Variants in HEATR5B observed in about 807,000 individuals in gnomAD.
HEATR5B encodes HEAT repeat-containing protein 5B.
HEATR5B carries 156 observed loss-of-function variants against 224.1 expected under a neutral mutation model. The observed-to-expected ratio is 0.70, with a 90% CI of 0.61 to 0.80. The LOEUF is 0.80. HEATR5B is among the 30% of genes least tolerant of loss of function. The pLI is 0.00. For missense variants in HEATR5B, 2,323 were observed against 2,535.5 expected (o/e 0.92, Z 1.80); for synonymous variants, 1,027 against 893.0 (o/e 1.15, Z -2.68).
chr2:37,052,352 A>C (rs1397615049), intron 17 of HEATR5B, among the ~76,000 whole-genome samples: 8 of 152,136 alleles, frequency 5.3e-5, no homozygotes, highest in Admixed American at 4.6e-4. Context: ...GATTGCTGTC[A>C]ATGGGAACTT....
chr2:37,023,812 A>T (rs564834738), intron 24 of HEATR5B, among the ~76,000 whole-genome samples: 10 of 152,164 alleles, frequency 6.6e-5, no homozygotes, highest in Admixed American at 1.3e-4. Flanking sequence ...AAATAAAAAG[A>T]ATATCAGTTG....
chr2:37,055,401 T>C (rs1411281211), intron 16 of HEATR5B, among the ~76,000 whole-genome samples: 3 of 152,314 alleles, frequency 2.0e-5, no homozygotes, highest in African/African-American at 7.2e-5. Context: ...CATAACTAGT[T>C]GTATAACCTT....
rs1218969248 is a variant in HEATR5B at position 37,029,071 on chromosome 2, A to G, written c.3362-151T>C. 5 of 675,974 alleles carry G rather than the reference A, an allele frequency of 7.4e-6. No individual in the cohort carries two copies. The African/African-American group carries it at 9.1e-5, about 12-fold the overall frequency. The allele number at this position is 675,974 out of a possible 1,614,324, so 41.9% of individuals were successfully genotyped here. ...AATTTAACTATGGCCTCTAGTTTAC[A>G]TATCTTTGGGATTATAATTTAATCT... is the stretch of plus-strand genomic sequence containing the variant. On this transcript the variant is annotated intron_variant, in intron 22 of 35. Transcript: ENST00000233099.
intron 33 of HEATR5B, among the ~76,000 whole-genome samples, chr2:36,992,662 T>C (rs1384402882): frequency 2.1e-4 from 32 of 152,224 alleles, no homozygotes; most frequent in Non-Finnish European, 1.5e-5. Context: ...ACATAGAATA[T>C]AATCTCTTAC....
intron 25 of HEATR5B, among the ~76,000 whole-genome samples, chr2:37,020,219 A>C (rs1668383566): frequency 6.6e-6 from 1 of 152,130 alleles, no homozygotes. Flanking sequence ...TAATACCTTT[A>C]ACTGTTGTTA....
intron 33 of HEATR5B, among the ~76,000 whole-genome samples, chr2:37,000,017 A>G: frequency 6.6e-6 from 1 of 151,950 alleles, no homozygotes; most frequent in South Asian, 2.1e-4. Context: ...GTCTCAAAAA[A>G]ACAAAACAAA....
intron 15 of HEATR5B, 113 bp from the exon 16 acceptor site, chr2:37,056,728 G>T: frequency 3.6e-6 from 3 of 834,738 alleles, no homozygotes; most frequent in South Asian, 5.0e-5. Context: ...AACAAAAAAA[G>T]AATGATTGGA....
intron 35 of HEATR5B, among the ~76,000 whole-genome samples, chr2:36,983,288 G>A (rs1355440501): frequency 6.6e-6 from 1 of 151,886 alleles, no homozygotes; most frequent in Non-Finnish European, 1.5e-5. Flanking sequence ...CTAGCACTTT[G>A]GGAGGCCAAG....
chr2:37,026,299 G>T (rs1668768922), intron 24 of HEATR5B, among the ~76,000 whole-genome samples: 1 of 152,154 alleles, frequency 6.6e-6, no homozygotes, highest in South Asian at 2.1e-4. Context: ...CTGATGCCTT[G>T]ATGTTAGCCC....
chr2:37,056,927 A>T (rs1453294913), intron 15 of HEATR5B, among the ~76,000 whole-genome samples: 1 of 152,252 alleles, frequency 6.6e-6, no homozygotes, highest in African/African-American at 2.4e-5. Context: ...ATCACTCTTT[A>T]AAAAGTACAT....
intron 35 of HEATR5B, among the ~76,000 whole-genome samples, chr2:36,984,315 A>G (rs1665806769): frequency 6.7e-6 from 1 of 150,138 alleles, no homozygotes; most frequent in Admixed American, 6.7e-5. Context: ...GAAATGTTAC[A>G]TAATTTGTTT....
chr2:37,040,303 T>C, intron 20 of HEATR5B, 26 bp downstream of exon 20: 1 of 1,552,170 alleles, frequency 6.4e-7, no homozygotes, highest in Non-Finnish European at 8.8e-7. Flanking sequence ...CTAACTAGGT[T>C]CCTTAATTTC....
Position 36,990,896 on chromosome 2 carries a change from T to G in HEATR5B, c.5546-97A>C. The G allele has an allele frequency of 2.8e-6, 3 of 1,056,894 alleles. No homozygotes were observed. The South Asian group carries it at 5.6e-5, about 20-fold the overall frequency. 65.5% of individuals were successfully genotyped at this position (1,056,894 alleles called of 1,614,324 possible). On this transcript the variant is annotated intron_variant, in intron 33 of 35. Coordinates refer to ENST00000233099, the MANE Select transcript of HEATR5B (RefSeq NM_019024.3). ...AGAGAGACGTTGTCTTGCCATGTTG[T>G]CCAGGCTGGTCTTGAACTCCTGAGC...
intron 9 of HEATR5B, among the ~76,000 whole-genome samples, chr2:37,065,414 A>C (rs530360927): frequency 1.3e-5 from 2 of 151,990 alleles, no homozygotes; most frequent in South Asian, 2.1e-4. Flanking sequence ...CCTGGGCTTA[A>C]GCAATTCTCC....
At chr2:37,040,590 G>A in intron 19 of HEATR5B, 72 bp from the exon 20 acceptor site, 1 of 1,079,472 alleles carries the variant, frequency 9.3e-7, no homozygotes, top group Non-Finnish European at 1.3e-6. Flanking sequence ...ATACTGAATT[G>A]TTACATGGGT....
chr2:37,043,939 GT>G (rs1238707643), intron 18 of HEATR5B, among the ~76,000 whole-genome samples: 1 of 152,044 alleles, frequency 6.6e-6, no homozygotes. Context: ...AGAAATGAAG[GT>G]TTTAGAGTCC....
At chr2:37,017,006 A>C (rs537806817) in intron 26 of HEATR5B, among the ~76,000 whole-genome samples, 1 of 152,346 alleles carries the variant, frequency 6.6e-6, no homozygotes, top group Non-Finnish European at 1.5e-5. Flanking sequence ...AACATATGGG[A>C]AAGATTTGAT....
At chr2:37,011,100 G>A (rs1572797248) in intron 27 of HEATR5B, among the ~76,000 whole-genome samples, 1 of 152,164 alleles carries the variant, frequency 6.6e-6, no homozygotes, top group African/African-American at 2.4e-5. Context: ...TGCACAGACA[G>A]TGTCTGGTAC....
At position 37,000,826 on chromosome 2, in the gene HEATR5B, C is replaced by T. The variant is rs748980862; in HGVS notation, c.5318-13G>A. 6.6e-7 allele frequency: 1 copy of T among 1,521,300 alleles called. No homozygotes were observed. Among genetic ancestry groups the T allele is most frequent in the Non-Finnish European group, 9.1e-7 (1 of 1,096,210 alleles). 94.2% of individuals were successfully genotyped at this position (1,521,300 alleles called of 1,614,324 possible). ...ATTGTCATACATCCTGAAAGAAAAA[C>T]AAATCAGATCACCTCATAACTATTC... On this transcript the variant is annotated splice_polypyrimidine_tract_variant and intron_variant, in intron 32 of 35. Coordinates refer to ENST00000233099, the MANE Select transcript of HEATR5B (RefSeq NM_019024.3).
Sources: gnomAD v4.1 joint callset for allele counts (sites outside exome capture counted in the v4.1 genomes callset) on GRCh38, gnomAD v4.1.1 for gene constraint, MANE v1.5 for transcripts, NCBI Gene and HGNC (gene_info 2026-07-23, HGNC 2026-07-21) for gene names.